Variants in DCPS observed in about 807,000 individuals in gnomAD.
DCPS encodes the protein m7GpppX diphosphatase.
A neutral mutation model predicts 34.7 loss-of-function variants in DCPS; 27 were observed. That is an observed-to-expected ratio of 0.78 (90% CI 0.57 to 1.07). The LOEUF (loss-of-function observed/expected upper bound fraction) is 1.07, where lower values mean the gene tolerates loss of function less well. DCPS is among the 50% of genes least tolerant of loss of function. The probability of loss-of-function intolerance (pLI) is 0.00; values close to 1 mark genes in which losing one functional copy is unlikely to be tolerated. For missense variants in DCPS, 464 were observed against 436.9 expected, an observed-to-expected ratio of 1.06 and a Z score of -0.55; for synonymous variants, 185 against 185.7, an observed-to-expected ratio of 1.00 and a Z score of 0.03.
At position 126,320,079 on chromosome 11, in the gene DCPS, TC is replaced by T. The variant is rs1486629923; in HGVS notation, c.377-11325del. On this transcript the variant is annotated intron_variant, in intron 2 of 5. Coordinates refer to ENST00000263579, the MANE Select transcript of DCPS (RefSeq NM_014026.6). This position sits in a 1 kb window ranked among gnomAD's most constrained non-coding sequence, Gnocchi z 4.7. Reference sequence around the variant, plus strand: ...GTAGTGAGGCGGTCTTGACTCTCCATCTTTACCATCCTGGCCAGGCTGGTCT... The same window carrying T: ...GTAGTGAGGCGGTCTTGACTCTCCATTTTACCATCCTGGCCAGGCTGGTCT... 1.3e-5 allele frequency among the ~76,000 whole-genome samples: 2 copies of T among 151,014 alleles called. No individual in the cohort carries two copies. The highest frequency in any genetic ancestry group is 6.6e-5 in the Admixed American group (1 of 15,078).
Position 126,334,164 on chromosome 11 carries a change from G to A in DCPS, c.522+2614G>A, listed in dbSNP as rs897640313. Reference sequence around the variant, plus strand: ...ATTGACGTGCAGAGGGGAGGGAAGAGGTTGGGTGATGAGTGGATAGAAGGA... The same window carrying A: ...ATTGACGTGCAGAGGGGAGGGAAGAAGTTGGGTGATGAGTGGATAGAAGGA... On this transcript the variant is annotated intron_variant, in intron 3 of 5. Coordinates refer to ENST00000263579, the MANE Select transcript of DCPS (RefSeq NM_014026.6). This position sits in a 1 kb window ranked among gnomAD's most constrained non-coding sequence, Gnocchi z 5.5. 6.6e-6 allele frequency among the ~76,000 whole-genome samples: 1 copy of A among 152,018 alleles called. No individual in the cohort carries two copies. The highest frequency in any genetic ancestry group is 1.5e-5 in the Non-Finnish European group (1 of 68,016).
At chr11:126,310,558 T>C (rs1021882294) in intron 2 of DCPS, among the ~76,000 whole-genome samples, 1 of 152,176 alleles carries the variant, frequency 6.6e-6, no homozygotes, top group Non-Finnish European at 1.5e-5. Context: ...TCCTCGAAGG[T>C]TGGAGCCATG....
chr11:126,318,913 G>A (rs985719548), intron 2 of DCPS, among the ~76,000 whole-genome samples: 3 of 152,208 alleles, frequency 2.0e-5, no homozygotes, highest in Non-Finnish European at 4.4e-5. Flanking sequence ...ATTTGGCTAA[G>A]CTAGCTTTGG....
In DCPS at chr11:126,319,645, G is replaced by A. The variant is rs908007101; in HGVS notation, c.377-11760G>A. Among the ~76,000 whole-genome samples, 3 of 152,124 alleles carry A rather than the reference G, an allele frequency of 2.0e-5. No homozygotes were observed. Among genetic ancestry groups the A allele is most frequent in the African/African-American group, 4.8e-5 (2 of 41,424 alleles). On this transcript the variant is annotated intron_variant, in intron 2 of 5. Transcript: ENST00000263579. The surrounding 1 kb of genome is among the most constrained non-coding windows in gnomAD (Gnocchi z 4.5). ...GCACCTCATTTTGCCCTCTGGTTTC[G>A]CTGACAGCTGTTTACGTGTCTCTAG...
chr11:126,341,566 C>T (rs1239241410), intron 4 of DCPS: 2 of 152,264 alleles, frequency 1.3e-5, no homozygotes, highest in East Asian at 1.9e-4. Flanking sequence ...GAGTTAGCGT[C>T]GTGTTTGTGA....
intron 1 of DCPS, 61 bp from the exon 2 acceptor site, chr11:126,306,509 G>T (rs1285628981): frequency 6.1e-6 from 9 of 1,469,484 alleles, no homozygotes; most frequent in Non-Finnish European, 8.2e-6. Flanking sequence ...CTTCTGTCTT[G>T]CTCTCCAGAG....
At chr11:126,311,114 C>T (rs187885197) in intron 2 of DCPS, among the ~76,000 whole-genome samples, 408 of 152,354 alleles carry the variant, frequency 2.7e-3, no homozygotes, top group African/African-American at 9.4e-3. Context: ...GTGTGAGCCA[C>T]TCATCCTTCC....
rs867298167 is a variant in DCPS at position 126,327,092 on chromosome 11, C to T, written c.377-4313C>T. On this transcript the variant is annotated intron_variant, in intron 2 of 5. Coordinates refer to ENST00000263579, the MANE Select transcript of DCPS (RefSeq NM_014026.6). The surrounding 1 kb of genome is among the most constrained non-coding windows in gnomAD (Gnocchi z 4.1). Reference sequence around the variant, plus strand: ...ATTCGTATGAGACTTCTGTGACATACAGTCCATAGTTAAGTTGTGCCAGTT... The same window carrying T: ...ATTCGTATGAGACTTCTGTGACATATAGTCCATAGTTAAGTTGTGCCAGTT... 6.6e-6 allele frequency among the ~76,000 whole-genome samples: 1 copy of T among 152,202 alleles called. No individual in the cohort carries two copies. Among genetic ancestry groups the T allele is most frequent in the African/African-American group, 2.4e-5 (1 of 41,462 alleles).
Position 126,348,918 on chromosome 11 carries a change from A to G in DCPS, c.*3305A>G, listed in dbSNP as rs992977930. ...GAAATGGGCTCAGGATGTCTTGTCC[A>G]GCATTATGGAGTGAACGTCAGCTCC... On this transcript the variant is annotated 3_prime_UTR_variant, in exon 6 of 6. Transcript: ENST00000263579. This position sits in a 1 kb window ranked among gnomAD's most constrained non-coding sequence, Gnocchi z 5.3. 6.6e-6 allele frequency among the ~76,000 whole-genome samples: 1 copy of G among 152,216 alleles called. No homozygotes were observed. Among genetic ancestry groups the G allele is most frequent in the African/African-American group, 2.4e-5 (1 of 41,454 alleles).
chr11:126,318,757 G>A (rs1051773781), intron 2 of DCPS, among the ~76,000 whole-genome samples: 4 of 152,228 alleles, frequency 2.6e-5, no homozygotes, highest in African/African-American at 7.2e-5. Flanking sequence ...AAAAGCCACA[G>A]ACTGAGCCAT....
Position 126,345,320 on chromosome 11 carries a change from C to T in DCPS, c.748-27C>T. 1 of 1,612,398 alleles carries T rather than the reference C, an allele frequency of 6.2e-7. No individual in the cohort carries two copies. Among genetic ancestry groups the T allele is most frequent in the South Asian group, 1.1e-5 (1 of 91,012 alleles). On this transcript the variant is annotated intron_variant, in intron 5 of 5. Coordinates refer to ENST00000263579, the MANE Select transcript of DCPS (RefSeq NM_014026.6). The surrounding 1 kb of genome is among the most constrained non-coding windows in gnomAD (Gnocchi z 7.4). ...CGGGCCTCAGGCAGCACGGTGACTC[C>T]TGACCTGCCTGCCCCTGTCTCATCA... is the stretch of plus-strand genomic sequence containing the variant.
In DCPS at chr11:126,345,472, C is replaced by T. The variant is rs748691476; in HGVS notation, c.873C>T (p.Gly291=). ...TGGGCTTCGAGGCCCCCGGCTCAGG[C>T]GTGGAGCGGGCCCACCTGCTGGCTG... ...TALGFEAPGS[G]VERAHLLAEV... Residue 291 remains glycine, a synonymous_variant, in exon 6 of 6, where the codon GGC becomes GGT. Transcript: ENST00000263579. This position sits in a 1 kb window ranked among gnomAD's most constrained non-coding sequence, Gnocchi z 7.4. 115 of 1,614,036 alleles carry T rather than the reference C, an allele frequency of 7.1e-5. No individual in the cohort carries two copies. The highest frequency in any genetic ancestry group is 1.6e-4 in the Middle Eastern group (1 of 6,084).
rs1354736911 is a variant in DCPS at position 126,329,528 on chromosome 11, GGGCC to G, written c.377-1876_377-1873del. On this transcript the variant is annotated intron_variant, in intron 2 of 5. Transcript: ENST00000263579. The surrounding 1 kb of genome is among the most constrained non-coding windows in gnomAD (Gnocchi z 5.0). ...GTGCTGCTGTGCCACCCAGAGCTGA[GGGCC>G]TGGGATGTTTGATGGGACAGAAGCC... Among the ~76,000 whole-genome samples, 3 of 152,222 alleles carry G rather than the reference GGGCC, an allele frequency of 2.0e-5. No individual in the cohort carries two copies. The highest frequency in any genetic ancestry group is 6.5e-5 in the Admixed American group (1 of 15,284).
rs540055535 is a variant in DCPS at position 126,331,354 on chromosome 11, A to G, written c.377-51A>G. On this transcript the variant is annotated intron_variant, in intron 2 of 5. Coordinates refer to ENST00000263579, the MANE Select transcript of DCPS (RefSeq NM_014026.6). This position sits in a 1 kb window ranked among gnomAD's most constrained non-coding sequence, Gnocchi z 7.2. Reference sequence around the variant, plus strand: ...CTCTCCTCACCGTGGTGCCTGTGGCATAGAGAGTGGGCATTGCTTCCCTGT... The same window carrying G: ...CTCTCCTCACCGTGGTGCCTGTGGCGTAGAGAGTGGGCATTGCTTCCCTGT... The G allele has an allele frequency of 6.9e-6, 11 of 1,604,034 alleles. No individual in the cohort carries two copies. The African/African-American group carries it at 9.4e-5, about 14-fold the overall frequency.
At chr11:126,305,415 T>A (rs1239882649) in intron 1 of DCPS, among the ~76,000 whole-genome samples, 1 of 106,494 alleles carries the variant, frequency 9.4e-6, no homozygotes, top group Non-Finnish European at 2.0e-5. Flanking sequence ...GCACCCGCCT[T>A]TTTTTTTTTT....
intron 2 of DCPS, among the ~76,000 whole-genome samples, chr11:126,321,376 G>C (rs180834007): frequency 2.0e-5 from 3 of 152,240 alleles, no homozygotes; most frequent in Non-Finnish European, 4.4e-5. Context: ...TTTACACCTT[G>C]AGCATTTGCA....
rs1951718489 is a variant in DCPS, at chr11:126,322,937, C to T, written c.377-8468C>T. Among the ~76,000 whole-genome samples the T allele has an allele frequency of 1.3e-5, 2 of 152,184 alleles. No individual in the cohort carries two copies. The highest frequency in any genetic ancestry group is 2.9e-5 in the Non-Finnish European group (2 of 68,042). ...CAAACTCCCGAGTTCAAGTGATTCTCCCACTTCACCTTCCCGAGTAGTGGC... is the reference window on the plus strand; with the variant it reads ...CAAACTCCCGAGTTCAAGTGATTCTTCCACTTCACCTTCCCGAGTAGTGGC... On this transcript the variant is annotated intron_variant, in intron 2 of 5. Transcript: ENST00000263579. This position sits in a 1 kb window ranked among gnomAD's most constrained non-coding sequence, Gnocchi z 4.2.
In DCPS at chr11:126,322,999, T is replaced by C. The variant is rs1297936925; in HGVS notation, c.377-8406T>C. 2.0e-5 allele frequency among the ~76,000 whole-genome samples: 3 copies of C among 152,102 alleles called. No homozygotes were observed. The highest frequency in any genetic ancestry group is 2.0e-4 in the Admixed American group (3 of 15,242). ...GGTACCACCACACGTGGCTAATTTA[T>C]TATTTTTTGTAGAGATGGGGTCTTG... On this transcript the variant is annotated intron_variant, in intron 2 of 5. Transcript: ENST00000263579. This position sits in a 1 kb window ranked among gnomAD's most constrained non-coding sequence, Gnocchi z 4.2.
chr11:126,311,107 T>G (rs1375630986), intron 2 of DCPS, among the ~76,000 whole-genome samples: 1 of 152,256 alleles, frequency 6.6e-6, no homozygotes, highest in Non-Finnish European at 1.5e-5. Context: ...GCTGCTCGTG[T>G]GAGCCACTCA....
Sources: allele counts gnomAD v4.1 joint callset (sites outside exome capture counted in the v4.1 genomes callset), GRCh38; gene constraint gnomAD v4.1.1; non-coding constraint Gnocchi (gnomAD v3.1); transcripts MANE v1.5; gene names NCBI Gene and HGNC (gene_info 2026-07-23, HGNC 2026-07-21).